The following UBE2V1 variants were observed in gnomAD, a reference collection of about 807,000 sequenced individuals.
The protein encoded by UBE2V1 is ubiquitin conjugating enzyme E2 V1.
UBE2V1 carries 15 observed loss-of-function variants against 19.6 expected under a neutral mutation model. That is an observed-to-expected ratio of 0.77 (90% CI 0.51 to 1.18). UBE2V1 has a LOEUF of 1.18. Among genes scored for constraint, UBE2V1 ranks in the 50% most tolerant of loss-of-function variants. The probability of loss-of-function intolerance (pLI) is 0.00; values close to 1 mark genes in which losing one functional copy is unlikely to be tolerated. For missense variants in UBE2V1, 125 were observed against 184.8 expected (o/e 0.68, Z 1.88); for synonymous variants, 60 against 60.7 (o/e 0.99, Z 0.05).
At position 50,084,809 on chromosome 20, in the gene UBE2V1, G is replaced by A. The variant is rs932230177; in HGVS notation, c.172-555C>T. ...CAACTGGGGTGTTCCATCCCTCCCT[G>A]CAGTCTTTTTTTTTTTTTTTGGTAG... On this transcript the variant is annotated intron_variant, in intron 2 of 3. Coordinates refer to ENST00000371674, the MANE Select transcript of UBE2V1 (RefSeq NM_001032288.3). 3 of 260,546 alleles carry A rather than the reference G, an allele frequency of 1.2e-5. No homozygotes were observed. In the Admixed American group the frequency reaches 1.5e-4, roughly 13 times the overall value. The allele number at this position is 260,546 out of a possible 1,614,324, so 16.1% of individuals were successfully genotyped here.
chr20:50,092,922 T>C (rs910132775), intron 2 of UBE2V1, among the ~76,000 whole-genome samples: 3 of 152,202 alleles, frequency 2.0e-5, no homozygotes, highest in Admixed American at 6.5e-5. Flanking sequence ...TTCTTTCCCA[T>C]TCCTCCAGAG....
Position 50,082,453 on chromosome 20 carries a change from A to G in UBE2V1, c.*315T>C, listed in dbSNP as rs1467243302. 7 of 289,986 alleles carry G rather than the reference A, an allele frequency of 2.4e-5. No homozygotes were observed. The highest frequency in any genetic ancestry group is 4.5e-5 in the Non-Finnish European group (7 of 154,372). 18.0% of individuals were successfully genotyped at this position (289,986 alleles called of 1,614,324 possible). On this transcript the variant is annotated 3_prime_UTR_variant, in exon 4 of 4. Transcript: ENST00000371674. ...GTGATTGTGTGATGTGTCTTTTCAC[A>G]GTTGAGTTAGATGTGCCCCACCAGT...
chr20:50,083,332 A>C (rs1474323340), intron 3 of UBE2V1, among the ~76,000 whole-genome samples: 1 of 152,246 alleles, frequency 6.6e-6, no homozygotes, highest in Non-Finnish European at 1.5e-5. Context: ...TGCTCCAGTG[A>C]CAAGGGCCTG....
intron 1 of UBE2V1, among the ~76,000 whole-genome samples, chr20:50,102,965 T>C (rs1448700903): frequency 6.6e-6 from 1 of 152,240 alleles, no homozygotes; most frequent in African/African-American, 2.4e-5. Flanking sequence ...GAGCTGTGAA[T>C]GGCTGACTGG....
chr20:50,108,956 T>C, intron 1 of UBE2V1: 2 of 985,432 alleles, frequency 2.0e-6, no homozygotes, highest in Non-Finnish European at 2.4e-6. Context: ...AGGAAGAACA[T>C]ATCCCTAAAT....
chr20:50,094,009 A>AAAAT lies in UBE2V1; in HGVS notation c.171+2659_171+2662dup, dbSNP rs1240201987. Among the ~76,000 whole-genome samples, 5 of 125,500 alleles carry AAAAT rather than the reference A, an allele frequency of 4.0e-5. No individual in the cohort carries two copies. In the East Asian group the frequency reaches 8.4e-4, roughly 21 times the overall value. 82.3% of individuals were successfully genotyped at this position (125,500 alleles called of 152,430 possible). On this transcript the variant is annotated intron_variant, in intron 2 of 3. Coordinates refer to ENST00000371674, the MANE Select transcript of UBE2V1 (RefSeq NM_001032288.3). ...ACTCAAAAAAAAAAAAAAAAAAAAA[A>AAAAT]AAATAATAATAATAATAATAATAAA...
rs748511217 is a variant in UBE2V1, at chr20:50,096,523, T to C, written c.171+149A>G. ...AACAGCATCAGAGGAGGTTCAAATATATAAACTGAAACTGGTCAAAAAAGA... is the reference window on the plus strand; with the variant it reads ...AACAGCATCAGAGGAGGTTCAAATACATAAACTGAAACTGGTCAAAAAAGA... On this transcript the variant is annotated intron_variant, in intron 2 of 3. Coordinates refer to ENST00000371674, the MANE Select transcript of UBE2V1 (RefSeq NM_001032288.3). The C allele has an allele frequency of 5.1e-6, 8 of 1,559,104 alleles. No homozygotes were observed. In the African/African-American group the frequency reaches 8.2e-5, roughly 16 times the overall value.
At chr20:50,087,389 T>C (rs1367807733) in intron 2 of UBE2V1, among the ~76,000 whole-genome samples, 4 of 131,882 alleles carry the variant, frequency 3.0e-5, no homozygotes, top group Admixed American at 3.0e-4. Context: ...TTGCGACACT[T>C]TGTCAAAAAA....
intron 1 of UBE2V1, chr20:50,104,230 C>G: frequency 1.1e-6 from 1 of 876,654 alleles, no homozygotes; most frequent in Middle Eastern, 6.0e-4. Flanking sequence ...TACAGTGAGC[C>G]GAGATCGCGC....
intron 1 of UBE2V1, among the ~76,000 whole-genome samples, chr20:50,110,439 C>T (rs2080678174): frequency 6.6e-6 from 1 of 152,236 alleles, no homozygotes. Flanking sequence ...TGTTTCCTGG[C>T]AACCGGAGGC....
At chr20:50,094,408 C>T (rs892092580) in intron 2 of UBE2V1, among the ~76,000 whole-genome samples, 2 of 150,044 alleles carry the variant, frequency 1.3e-5, no homozygotes, top group African/African-American at 4.9e-5. Context: ...AAATATATGT[C>T]CACATACAAA....
At chr20:50,113,056 C>A (rs1454050631) in intron 1 of UBE2V1, 51 bp downstream of exon 1, 1 of 837,224 alleles carries the variant, frequency 1.2e-6, no homozygotes, top group Non-Finnish European at 1.7e-6. Context: ...CCCCGGCCCC[C>A]GGCCCAAGCC....
chr20:50,107,855 G>A (rs2080489008), intron 1 of UBE2V1, among the ~76,000 whole-genome samples: 1 of 152,196 alleles, frequency 6.6e-6, no homozygotes, highest in South Asian at 2.1e-4. Flanking sequence ...TTCAGGTAAG[G>A]TTAAGTGCTT....
At chr20:50,086,921 C>A (rs2078946444) in intron 2 of UBE2V1, among the ~76,000 whole-genome samples, 1 of 152,098 alleles carries the variant, frequency 6.6e-6, no homozygotes, top group South Asian at 2.1e-4. Flanking sequence ...ACTAAAAATA[C>A]AAAACATTAG....
intron 2 of UBE2V1, among the ~76,000 whole-genome samples, chr20:50,094,029 A>ATATATAT (rs2079424423): frequency 8.1e-5 from 9 of 110,676 alleles, no homozygotes; most frequent in African/African-American, 3.8e-4. Context: ...TAATAATAAT[A>ATATATAT]ATAAAATATA....
chr20:50,093,987 C>CAAAA (rs60174191), intron 2 of UBE2V1, among the ~76,000 whole-genome samples: 151 of 56,220 alleles, frequency 2.7e-3, no homozygotes, highest in Middle Eastern at 0.019. Context: ...GACTCCAACT[C>CAAAA]AAAAAAAAAA....
intron 1 of UBE2V1, among the ~76,000 whole-genome samples, chr20:50,106,076 CTA>C (rs1034762831): frequency 1.4e-4 from 22 of 151,928 alleles, no homozygotes; most frequent in African/African-American, 3.9e-4. Context: ...ATCAAATAGA[CTA>C]TGACTATTAA....
intron 2 of UBE2V1, among the ~76,000 whole-genome samples, chr20:50,084,914 G>C (rs1328214235): frequency 4.3e-5 from 1 of 23,414 alleles, no homozygotes; most frequent in African/African-American, 1.4e-4. Flanking sequence ...TTTTTTTTTT[G>C]AGACAGAGTT....
intron 1 of UBE2V1, among the ~76,000 whole-genome samples, chr20:50,106,458 T>C (rs762618954): frequency 2.2e-4 from 34 of 152,286 alleles, no homozygotes; most frequent in Admixed American, 5.9e-4. Context: ...AAAACATCTT[T>C]TGGGAAAATC....
Sources: allele counts gnomAD v4.1 joint callset (sites outside exome capture counted in the v4.1 genomes callset), GRCh38; gene constraint gnomAD v4.1.1; transcripts MANE v1.5; gene names NCBI Gene and HGNC (gene_info 2026-07-23, HGNC 2026-07-21).